Variants in FAM120B observed in about 807,000 individuals in gnomAD.
The protein encoded by FAM120B is family with sequence similarity 120 member B.
In FAM120B, 83 loss-of-function variants were observed where a neutral mutation model predicts 96.3. The ratio of observed to expected loss-of-function variants is 0.86; its 90% CI spans 0.72 to 1.03. The LOEUF is 1.03. Among genes scored for constraint, FAM120B ranks in the 50% least tolerant of loss-of-function variants. The probability of loss-of-function intolerance (pLI) is 0.00; values close to 1 mark genes in which losing one functional copy is unlikely to be tolerated. For synonymous variants in FAM120B, 407 were observed against 402.7 expected, an observed-to-expected ratio of 1.01 and a Z score of -0.13; for missense variants, 1,027 against 1,121.2, an observed-to-expected ratio of 0.92 and a Z score of 1.20.
chr6:170,344,850 T>C (rs903996545), intron 4 of FAM120B, among the ~76,000 whole-genome samples: 24 of 152,358 alleles, frequency 1.6e-4, no homozygotes, highest in Admixed American at 5.9e-4. Context: ...CCTATTGCAC[T>C]TGGGACATTT....
chr6:170,348,748 C>A (rs534598122), intron 5 of FAM120B, among the ~76,000 whole-genome samples: 1 of 152,324 alleles, frequency 6.6e-6, no homozygotes, highest in Non-Finnish European at 1.5e-5. Context: ...GGACAGACTA[C>A]TTCAGCTTTT....
At chr6:170,334,426 C>T (rs918641882) in intron 4 of FAM120B, among the ~76,000 whole-genome samples, 20 of 152,188 alleles carry the variant, frequency 1.3e-4, no homozygotes, top group African/African-American at 4.6e-4. Context: ...GTTGTAGTGG[C>T]TTTCTTGTTC....
intron 1 of FAM120B, among the ~76,000 whole-genome samples, chr6:170,313,541 CTGTT>C (rs1290430260): frequency 6.6e-6 from 1 of 152,238 alleles, no homozygotes; most frequent in African/African-American, 2.4e-5. Flanking sequence ...AGACTTACCT[CTGTT>C]TGGCTTTGCT....
chr6:170,372,336 T>C (rs1363642848), intron 6 of FAM120B, among the ~76,000 whole-genome samples: 3 of 148,086 alleles, frequency 2.0e-5, no homozygotes, highest in Admixed American at 1.4e-4. Flanking sequence ...TAGGAATCAC[T>C]GAGATTAGTA....
chr6:170,308,019 C>G (rs558144053), intron 1 of FAM120B, among the ~76,000 whole-genome samples: 1 of 152,326 alleles, frequency 6.6e-6, no homozygotes, highest in African/African-American at 2.4e-5. Flanking sequence ...TCCTCCGTGT[C>G]TAGTGTCATG....
At chr6:170,403,708 C>G (rs1220047383) in intron 9 of FAM120B, among the ~76,000 whole-genome samples, 2 of 152,182 alleles carry the variant, frequency 1.3e-5, no homozygotes, top group Non-Finnish European at 2.9e-5. Flanking sequence ...TGTTAAATTC[C>G]ACAGTCCATA....
chr6:170,352,504 C>G (rs1448818332), intron 5 of FAM120B, among the ~76,000 whole-genome samples: 1 of 152,190 alleles, frequency 6.6e-6, no homozygotes, highest in Non-Finnish European at 1.5e-5. Flanking sequence ...GGCACTTACT[C>G]TAAAATGGAT....
Position 170,381,027 on chromosome 6 carries a change from T to A in FAM120B, c.2284-7260T>A, listed in dbSNP as rs139550537. ...ATAGAAAAGCTAGCAAAACATTTTTTAAATAAAGCTATTTGAAGGTATCAG... is the reference window on the plus strand; with the variant it reads ...ATAGAAAAGCTAGCAAAACATTTTTAAAATAAAGCTATTTGAAGGTATCAG... On this transcript the variant is annotated intron_variant, in intron 6 of 10. Coordinates refer to ENST00000476287, the MANE Select transcript of FAM120B (RefSeq NM_032448.3). Among the ~76,000 whole-genome samples, 755 of 152,330 alleles carry A rather than the reference T, an allele frequency of 5.0e-3. 5 individuals are homozygous for A. Among genetic ancestry groups the A allele is most frequent in the African/African-American group, 0.017 (712 of 41,568 alleles).
chr6:170,335,482 A>G lies in FAM120B; in HGVS notation c.2017+4932A>G, dbSNP rs191687086. Among the ~76,000 whole-genome samples the G allele has an allele frequency of 3.9e-5, 6 of 152,218 alleles. No homozygotes were observed. The East Asian group carries it at 5.8e-4, about 15-fold the overall frequency. ...TTGATGGGCATTTGGATTGGTTCCA[A>G]GCCTTGCTATTGTAAATAGTACTGC... On this transcript the variant is annotated intron_variant, in intron 4 of 10. Transcript: ENST00000476287.
At chr6:170,355,722 A>G (rs1321319321) in intron 5 of FAM120B, among the ~76,000 whole-genome samples, 1 of 152,134 alleles carries the variant, frequency 6.6e-6, no homozygotes, top group East Asian at 1.9e-4. Context: ...CCCCAAACTT[A>G]AACTTTGGAG....
chr6:170,381,537 C>A (rs1393898772), intron 6 of FAM120B, among the ~76,000 whole-genome samples: 1 of 151,670 alleles, frequency 6.6e-6, no homozygotes, highest in Admixed American at 6.6e-5. Flanking sequence ...CCAGTATTAC[C>A]CTGACACCCA....
rs146122732 is a variant in FAM120B, at chr6:170,318,509, C to T, written c.1119C>T (p.Pro373=). Residue 373 remains proline, a synonymous_variant, in exon 2 of 11, where the codon CCC becomes CCT. Transcript: ENST00000476287. The stretch of plus-strand genomic sequence containing the variant: ...TTCCCGTGTATACAGATTCTGAACC[C>T]AGGCAAGAAGTTCCCATGTGTTCAG... ...REVPVYTDSE[P]RQEVPMCSDP... is the part of the protein sequence containing the mutation. 93 of 1,582,248 alleles carry T rather than the reference C, an allele frequency of 5.9e-5. No individual in the cohort carries two copies. In the African/African-American group the frequency reaches 1.2e-3, roughly 20 times the overall value.
At chr6:170,376,506 C>T (rs962073653) in intron 6 of FAM120B, among the ~76,000 whole-genome samples, 1 of 151,558 alleles carries the variant, frequency 6.6e-6, no homozygotes, top group African/African-American at 2.4e-5. Context: ...GGCAGCGGGG[C>T]GTTAGAGGAA....
chr6:170,383,608 C>T (rs939530224), intron 6 of FAM120B, among the ~76,000 whole-genome samples: 1 of 152,172 alleles, frequency 6.6e-6, no homozygotes, highest in Admixed American at 6.5e-5. Flanking sequence ...GCACTACACA[C>T]GGATTAGAGC....
intron 6 of FAM120B, among the ~76,000 whole-genome samples, chr6:170,374,414 G>T (rs1192792947): frequency 6.6e-6 from 1 of 152,206 alleles, no homozygotes; most frequent in East Asian, 1.9e-4. Context: ...TGTGGACCCA[G>T]CAAGTTCCAT....
At chr6:170,330,403 C>T (rs370965012) in intron 3 of FAM120B, 46 bp from the exon 4 acceptor site, 39 of 1,430,674 alleles carry the variant, frequency 2.7e-5, no homozygotes, top group African/African-American at 1.4e-4. Context: ...GTGAGCCTGG[C>T]GATGCATGCC....
Position 170,318,411 on chromosome 6 carries a change from G to A in FAM120B, c.1021G>A (p.Val341Ile), listed in dbSNP as rs145034742. The A allele has an allele frequency of 1.1e-5, 18 of 1,613,978 alleles. No homozygotes were observed. In the African/African-American group the frequency reaches 1.3e-4, roughly 12 times the overall value. Residue 341 changes from valine (V) to isoleucine (I), a missense_variant, in exon 2 of 11, where the codon GTT becomes ATT. Coordinates refer to ENST00000476287, the MANE Select transcript of FAM120B (RefSeq NM_032448.3). ...TTCAGACGCCGAATCCAGGGAAGAA[G>A]TTCCCATGTGTTCAGATGCTGAATC... Reference protein sequence around the residue: ...TSSDAESREEVPMCSDAESRQ... With the variant: ...TSSDAESREEIPMCSDAESRQ...
At chr6:170,402,636 C>T (rs1362327752) in intron 9 of FAM120B, among the ~76,000 whole-genome samples, 2 of 152,198 alleles carry the variant, frequency 1.3e-5, no homozygotes, top group African/African-American at 2.4e-5. Context: ...GAGCCCACAG[C>T]CCTCCAGAAA....
chr6:170,407,001 T>C lies in FAM120B; in HGVS notation c.*2250T>C, dbSNP rs1778824032. The stretch of plus-strand genomic sequence containing the variant: ...AGTTGTAAGTAACACTGCAGTCAAG[T>C]CTTCTGATGAAATTTCCATATATCA... On this transcript the variant is annotated 3_prime_UTR_variant, in exon 11 of 11. Coordinates refer to ENST00000476287, the MANE Select transcript of FAM120B (RefSeq NM_032448.3). 1 of 152,200 alleles carries C rather than the reference T, an allele frequency of 6.6e-6. No individual in the cohort carries two copies. Among genetic ancestry groups the C allele is most frequent in the South Asian group, 2.1e-4 (1 of 4,836 alleles). 9.4% of individuals were successfully genotyped at this position (152,200 alleles called of 1,614,324 possible).
Sources: allele counts gnomAD v4.1 joint callset (sites outside exome capture counted in the v4.1 genomes callset), GRCh38; gene constraint gnomAD v4.1.1; transcripts MANE v1.5; gene names NCBI Gene and HGNC (gene_info 2026-07-23, HGNC 2026-07-21).